Variants in PCDHGA5 observed in about 807,000 individuals in gnomAD.
The protein encoded by PCDHGA5 is protocadherin gamma subfamily A, 5, also known as protocadherin gamma-A5.
In PCDHGA5, 36 loss-of-function variants were observed where a neutral mutation model predicts 56.7. The observed-to-expected ratio is 0.64, with a 90% confidence interval of 0.49 to 0.84. The LOEUF (loss-of-function observed/expected upper bound fraction) is 0.84, where lower values mean the gene tolerates loss of function less well. Among genes scored for constraint, PCDHGA5 ranks in the 40% least tolerant of loss-of-function variants. The probability of loss-of-function intolerance (pLI) is 0.00; values close to 1 mark genes in which losing one functional copy is unlikely to be tolerated. For synonymous variants in PCDHGA5, 563 were observed against 520.2 expected, an observed-to-expected ratio of 1.08 and a Z score of -1.12; for missense variants, 1,305 against 1,201.5, an observed-to-expected ratio of 1.09 and a Z score of -1.27.
At chr5:141,478,236 T>C (rs2099440813) in intron 1 of PCDHGA5, 3 of 1,614,156 alleles carry the variant, frequency 1.9e-6, no homozygotes, top group Non-Finnish European at 2.5e-6. Flanking sequence ...GGGTTTGTGG[T>C]CACAGTGTTC....
Position 141,491,900 on chromosome 5 carries a change from G to T in PCDHGA5, c.2422-2907G>T. The T allele has an allele frequency of 7.0e-7, 1 of 1,429,936 alleles. No homozygotes were observed. The highest frequency in any genetic ancestry group is 1.5e-5 in the South Asian group (1 of 67,072). 88.6% of individuals were successfully genotyped at this position (1,429,936 alleles called of 1,614,324 possible). A position where few individuals can be genotyped will look rare whatever the true frequency, so the allele number is the denominator to read the frequency against. ...TAAGGGATGGGGCTCCGAGCACCGG[G>T]GGTGGTGGCGACTGTGGGCGAGGGG... On this transcript the variant is annotated intron_variant, in intron 1 of 3. Transcript: ENST00000518069. This position sits in a 1 kb window ranked among gnomAD's most constrained non-coding sequence, Gnocchi z 6.9.
chr5:141,383,440 G>A, intron 1 of PCDHGA5: 1 of 1,613,950 alleles, frequency 6.2e-7, no homozygotes, highest in Non-Finnish European at 8.5e-7. Context: ...CTTCTCCCTG[G>A]CTGTGCAAAG....
intron 1 of PCDHGA5, chr5:141,441,746 C>A: frequency 5.4e-6 from 2 of 371,314 alleles, no homozygotes; most frequent in East Asian, 9.8e-5. Flanking sequence ...TCGCGCTCGG[C>A]GTCAACGTGA....
At chr5:141,470,649 C>T (rs1486535307) in intron 1 of PCDHGA5, among the ~76,000 whole-genome samples, 1 of 152,160 alleles carries the variant, frequency 6.6e-6, no homozygotes, top group African/African-American at 2.4e-5. Flanking sequence ...TTGAAGGCCC[C>T]TACCCTTTGG....
intron 1 of PCDHGA5, chr5:141,388,574 T>C (rs372294800): frequency 6.2e-7 from 1 of 1,613,724 alleles, no homozygotes; most frequent in East Asian, 2.2e-5. Flanking sequence ...AGATACACGT[T>C]CTAGTGACTG....
At chr5:141,399,742 A>G in intron 1 of PCDHGA5, 14 of 1,613,320 alleles carry the variant, frequency 8.7e-6, no homozygotes, top group Non-Finnish European at 1.2e-5. Flanking sequence ...GCCTGCGCTC[A>G]GCGCAAACGT....
Position 141,432,148 on chromosome 5 carries a change from G to C in PCDHGA5, c.2422-62659G>C. ...CCTCCTATTCCGCTTATATCCCAGA[G>C]AACAATCCCAGAGGAGTTTCCCTCG... On this transcript the variant is annotated intron_variant, in intron 1 of 3. Coordinates refer to ENST00000518069, the MANE Select transcript of PCDHGA5 (RefSeq NM_018918.3). The surrounding 1 kb of genome is among the most constrained non-coding windows in gnomAD (Gnocchi z 6.0). 6.2e-7 allele frequency: 1 copy of C among 1,614,002 alleles called. No individual in the cohort carries two copies. Among genetic ancestry groups the C allele is most frequent in the East Asian group, 2.2e-5 (1 of 44,876 alleles).
intron 1 of PCDHGA5, 62 bp from the exon 2 acceptor site, chr5:141,494,745 G>T: frequency 1.2e-6 from 2 of 1,612,802 alleles, no homozygotes; most frequent in African/African-American, 1.3e-5. Context: ...ATCCCTAGGG[G>T]CTCGGGTGAC....
rs774505854 is a variant in PCDHGA5 at position 141,490,507 on chromosome 5, G to A, written c.2422-4300G>A. The A allele has an allele frequency of 5.6e-6, 9 of 1,613,898 alleles. No individual in the cohort carries two copies. The highest frequency in any genetic ancestry group is 4.0e-5 in the African/African-American group (3 of 74,868). ...GGAGGCCACATCCCACTATATCATC[G>A]AGCTGCTGGCCAGCGATGCTGGTTC... On this transcript the variant is annotated intron_variant, in intron 1 of 3. Transcript: ENST00000518069. This position sits in a 1 kb window ranked among gnomAD's most constrained non-coding sequence, Gnocchi z 5.4.
chr5:141,413,671 G>A (rs2095665360), intron 1 of PCDHGA5: 13 of 1,613,878 alleles, frequency 8.1e-6, no homozygotes, highest in Non-Finnish European at 9.3e-6. Flanking sequence ...TGATCCGGAT[G>A]TGGGCGTGAA....
intron 1 of PCDHGA5, chr5:141,414,676 CA>C (rs779931467): frequency 5.6e-5 from 91 of 1,613,916 alleles, no homozygotes; most frequent in Middle Eastern, 1.6e-4. Context: ...AGACACCATC[CA>C]GGGGGTACCT....
chr5:141,462,011 C>T (rs567038580), intron 1 of PCDHGA5, among the ~76,000 whole-genome samples: 32 of 152,182 alleles, frequency 2.1e-4, no homozygotes, highest in Admixed American at 5.9e-4. Flanking sequence ...TTAATAGAGA[C>T]GGGGTTTCTT....
At chr5:141,510,626 AGGTG>A (rs2099882005) in intron 3 of PCDHGA5, among the ~76,000 whole-genome samples, 1 of 152,144 alleles carries the variant, frequency 6.6e-6, no homozygotes, top group Admixed American at 6.5e-5. Context: ...AAACCAGAAG[AGGTG>A]GTTACCATTA....
chr5:141,425,127 A>G (rs1353123394), intron 1 of PCDHGA5, among the ~76,000 whole-genome samples: 2 of 152,208 alleles, frequency 1.3e-5, no homozygotes, highest in Non-Finnish European at 2.9e-5. Flanking sequence ...CTTGAAGTCA[A>G]GAAAAATGTT....
At position 141,404,170 on chromosome 5, in the gene PCDHGA5, G is replaced by C. The variant is rs73279089; in HGVS notation, c.2421+37419G>C. Reference sequence around the variant, plus strand: ...AAGAAGATTATTACAGATTGTTGACGGCCCAAATTCTTGACCGAGAAAAAG... The same window carrying C: ...AAGAAGATTATTACAGATTGTTGACCGCCCAAATTCTTGACCGAGAAAAAG... On this transcript the variant is annotated intron_variant, in intron 1 of 3. Coordinates refer to ENST00000518069, the MANE Select transcript of PCDHGA5 (RefSeq NM_018918.3). The C allele has an allele frequency of 1.5e-3, 2,365 of 1,612,738 alleles. 32 individuals are homozygous for C. In the African/African-American group the frequency reaches 0.028, roughly 19 times the overall value.
In PCDHGA5 at chr5:141,431,141, G is replaced by A. The variant is rs1262504427; in HGVS notation, c.2422-63666G>A. 24 of 1,614,212 alleles carry A rather than the reference G, an allele frequency of 1.5e-5. No individual in the cohort carries two copies. The highest frequency in any genetic ancestry group is 2.0e-5 in the Non-Finnish European group (24 of 1,180,030). On this transcript the variant is annotated intron_variant, in intron 1 of 3. Coordinates refer to ENST00000518069, the MANE Select transcript of PCDHGA5 (RefSeq NM_018918.3). The surrounding 1 kb of genome is among the most constrained non-coding windows in gnomAD (Gnocchi z 4.8). ...AGAAGTAGAAGTAAGGGACATTAAC[G>A]ACAATGCGCCTTACTTTCGTGAAAG...
intron 1 of PCDHGA5, chr5:141,427,607 T>C (rs1157037825): frequency 1.5e-6 from 1 of 688,594 alleles, no homozygotes; most frequent in Non-Finnish European, 2.7e-6. Context: ...TACGCATTGG[T>C]GAAGTCAACG....
At chr5:141,409,796 C>T (rs750405889) in intron 1 of PCDHGA5, 1 of 1,611,944 alleles carries the variant, frequency 6.2e-7, no homozygotes, top group Non-Finnish European at 8.5e-7. Context: ...CGCGCTCACG[C>T]TGCAGGCCCG....
In PCDHGA5 at chr5:141,375,349, GAC is replaced by G; in HGVS notation, c.2421+8600_2421+8601del. On this transcript the variant is annotated intron_variant, in intron 1 of 3. Transcript: ENST00000518069. ...AGGTATTCTTGTACAACATCACTGT[GAC>G]AGCCACGGACAAAGGAACACCACCT... 5 of 1,613,848 alleles carry G rather than the reference GAC, an allele frequency of 3.1e-6. No individual in the cohort carries two copies. In the South Asian group the frequency reaches 4.4e-5, roughly 14 times the overall value.
Sources: gnomAD v4.1 joint callset for allele counts (sites outside exome capture counted in the v4.1 genomes callset) on GRCh38, gnomAD v4.1.1 for gene constraint, Gnocchi (gnomAD v3.1) non-coding constraint, MANE v1.5 for transcripts, NCBI Gene and HGNC (gene_info 2026-07-23, HGNC 2026-07-21) for gene names.